Variants in NAALADL2 observed in about 807,000 individuals in gnomAD.
NAALADL2 encodes the protein inactive N-acetylated-alpha-linked acidic dipeptidase-like protein 2.
In NAALADL2, 76 loss-of-function variants were observed where a neutral mutation model predicts 87.2. The ratio of observed to expected loss-of-function variants is 0.87; its 90% confidence interval spans 0.72 to 1.05. The LOEUF (loss-of-function observed/expected upper bound fraction) is 1.05. NAALADL2 is among the 50% of genes least tolerant of loss of function. NAALADL2 has a pLI of 0.00. For missense variants in NAALADL2, 1,089 were observed against 945.8 expected, an observed-to-expected ratio of 1.15 and a Z score of -1.99; for synonymous variants, 354 against 331.0, an observed-to-expected ratio of 1.07 and a Z score of -0.75.
chr3:175,643,194 T>C (rs1166407219), intron 11 of NAALADL2, among the ~76,000 whole-genome samples: 3 of 152,308 alleles, frequency 2.0e-5, no homozygotes, highest in East Asian at 1.9e-4. Context: ...TGTTGATAGA[T>C]GTTGCAATAG....
intron 2 of NAALADL2, among the ~76,000 whole-genome samples, chr3:174,720,821 G>A (rs899410576): frequency 6.6e-6 from 1 of 152,062 alleles, no homozygotes; most frequent in East Asian, 1.9e-4. Context: ...AATTCTTGCC[G>A]TTCGAATGTA....
intron 2 of NAALADL2, among the ~76,000 whole-genome samples, chr3:175,144,662 T>C (rs1460622750): frequency 6.6e-6 from 1 of 151,982 alleles, no homozygotes; most frequent in African/African-American, 2.4e-5. Context: ...GTGTTACTTA[T>C]CTCCGTCACT....
chr3:175,786,766 G>A (rs1752029842), intron 13 of NAALADL2, among the ~76,000 whole-genome samples: 1 of 148,190 alleles, frequency 6.7e-6, no homozygotes, highest in Non-Finnish European at 1.5e-5. Context: ...TTTGGAGGAG[G>A]AGGAGGAGGA....
At chr3:175,735,871 A>G (rs536324475) in intron 11 of NAALADL2, among the ~76,000 whole-genome samples, 1 of 152,232 alleles carries the variant, frequency 6.6e-6, no homozygotes, top group South Asian at 2.1e-4. Context: ...ATAATTTCCT[A>G]GTAAATTATA....
intron 10 of NAALADL2, among the ~76,000 whole-genome samples, chr3:175,597,651 AG>A (rs546507600): frequency 8.6e-4 from 131 of 152,052 alleles, no homozygotes; most frequent in African/African-American, 3.0e-3. Flanking sequence ...TCTGCTTTGA[AG>A]GGTGTTTAGT....
chr3:175,147,204 T>C (rs1730875410), intron 2 of NAALADL2, among the ~76,000 whole-genome samples: 1 of 152,122 alleles, frequency 6.6e-6, no homozygotes, highest in Admixed American at 6.5e-5. Context: ...GTGTGTAGAG[T>C]ACCCAATAGG....
chr3:175,181,965 G>C (rs962693646), intron 2 of NAALADL2, among the ~76,000 whole-genome samples: 40 of 151,258 alleles, frequency 2.6e-4, no homozygotes, highest in African/African-American at 9.7e-4. Flanking sequence ...AACTTTTTGA[G>C]GGATCTCCAC....
chr3:175,077,619 A>G (rs1441451292), intron 1 of NAALADL2, among the ~76,000 whole-genome samples: 1 of 152,204 alleles, frequency 6.6e-6, no homozygotes, highest in Non-Finnish European at 1.5e-5. Flanking sequence ...TAGCATTATT[A>G]AACAGAAGTA....
chr3:175,415,634 C>T (rs1714485504), intron 5 of NAALADL2, among the ~76,000 whole-genome samples: 1 of 151,948 alleles, frequency 6.6e-6, no homozygotes, highest in Admixed American at 6.6e-5. Flanking sequence ...TTGAAATAAT[C>T]TTCTAAACTT....
chr3:174,958,434 C>T (rs1741469945), intron 1 of NAALADL2, among the ~76,000 whole-genome samples: 1 of 151,932 alleles, frequency 6.6e-6, no homozygotes, highest in Non-Finnish European at 1.5e-5. Context: ...AATAAGATAA[C>T]ATCTGTTTCC....
intron 5 of NAALADL2, among the ~76,000 whole-genome samples, chr3:175,438,810 G>A (rs911206530): frequency 6.6e-6 from 1 of 151,836 alleles, no homozygotes; most frequent in Non-Finnish European, 1.5e-5. Context: ...AAAACCAAGT[G>A]CTCTCTGACC....
At chr3:175,546,267 T>A (rs990570615) in intron 9 of NAALADL2, among the ~76,000 whole-genome samples, 2 of 152,148 alleles carry the variant, frequency 1.3e-5, no homozygotes, top group African/African-American at 4.8e-5. Flanking sequence ...TCCCTTTATT[T>A]TGAGCATATG....
chr3:175,799,328 T>C (rs1410348909), intron 13 of NAALADL2, among the ~76,000 whole-genome samples: 1 of 152,038 alleles, frequency 6.6e-6, no homozygotes, highest in African/African-American at 2.4e-5. Context: ...AGCAGTATTT[T>C]TTACATAGCT....
chr3:175,623,578 TCAAAATCCTATGACAAGTGTTTCTCTAA>T (rs989676696), intron 10 of NAALADL2, among the ~76,000 whole-genome samples: 11 of 152,144 alleles, frequency 7.2e-5, no homozygotes, highest in Non-Finnish European at 1.0e-4. Flanking sequence ...CTGGGTGGGC[TCAAAATCCTATGACAAGTGTTTCTCTAA>T]CAGAGAGAAG....
chr3:174,686,777 G>A (rs1472529199), intron 2 of NAALADL2, among the ~76,000 whole-genome samples: 1 of 151,946 alleles, frequency 6.6e-6, no homozygotes, highest in Non-Finnish European at 1.5e-5. Flanking sequence ...CTTATGTCAT[G>A]TGCCAGAATC....
At chr3:174,948,262 C>T (rs1289494708) in intron 1 of NAALADL2, among the ~76,000 whole-genome samples, 17 of 151,994 alleles carry the variant, frequency 1.1e-4, no homozygotes, top group Admixed American at 1.1e-3. Context: ...CTGCAACTTC[C>T]ACCTCCCGGG....
chr3:174,507,684 A>G (rs1313344971), intron 1 of NAALADL2, among the ~76,000 whole-genome samples: 1 of 139,312 alleles, frequency 7.2e-6, no homozygotes, highest in East Asian at 1.9e-4. Context: ...GGCTTTTTTC[A>G]CTCAGGATAA....
chr3:174,572,784 C>A (rs917227422), intron 2 of NAALADL2, among the ~76,000 whole-genome samples: 1 of 152,114 alleles, frequency 6.6e-6, no homozygotes, highest in Non-Finnish European at 1.5e-5. Flanking sequence ...AGGACTAAAT[C>A]TTTAATAGTG....
At position 174,442,260 on chromosome 3, in the gene NAALADL2, G is replaced by A. The variant is rs572463206; in HGVS notation, c.-184+1228G>A. On this transcript the variant is annotated intron_variant, in intron 1 of 3. Coordinates refer to the NAALADL2 transcript ENST00000434257. ...TGGGGGAGGAAAAGCTTAAAAGGAA[G>A]AGTTGGGTTTAAAACTGGATTCTTG... is the stretch of plus-strand genomic sequence containing the variant. Among the ~76,000 whole-genome samples, 21 of 152,238 alleles carry A rather than the reference G, an allele frequency of 1.4e-4. No individual in the cohort carries two copies. The South Asian group carries it at 4.4e-3, about 32-fold the overall frequency.
Sources: gnomAD v4.1 joint callset for allele counts (sites outside exome capture counted in the v4.1 genomes callset) on GRCh38, gnomAD v4.1.1 for gene constraint, MANE v1.5 for transcripts, NCBI Gene and HGNC (gene_info 2026-07-23, HGNC 2026-07-21) for gene names.